Variants in PKNOX2 observed in about 807,000 individuals in gnomAD.
The protein encoded by PKNOX2 is PBX/knotted 1 homeobox 2.
Under a neutral mutation model 53.1 loss-of-function variants are expected in PKNOX2, and 14 were observed. That is an observed-to-expected ratio of 0.26 (90% CI 0.17 to 0.41). The LOEUF is 0.41. Among genes scored for constraint, PKNOX2 ranks in the 10% least tolerant of loss-of-function variants. The pLI, the probability that PKNOX2 is intolerant of heterozygous loss-of-function variation, is 1.00. For missense variants in PKNOX2, 496 were observed against 602.8 expected (o/e 0.82, Z 1.85); for synonymous variants, 257 against 242.8 (o/e 1.06, Z -0.54).
chr11:125,386,570 A>G (rs1462580586), intron 6 of PKNOX2, among the ~76,000 whole-genome samples: 1 of 152,178 alleles, frequency 6.6e-6, no homozygotes, highest in Non-Finnish European at 1.5e-5. Flanking sequence ...TGCACAGTGA[A>G]TTTAGAAACT....
rs141113634 is a variant in PKNOX2, at chr11:125,397,906, C to T, written c.432C>T (p.His144=). The T allele has an allele frequency of 1.2e-6, 2 of 1,613,476 alleles. No individual in the cohort carries two copies. Among genetic ancestry groups the T allele is most frequent in the African/African-American group, 1.3e-5 (1 of 75,022 alleles). ...MVKAIQVLRI[H]LLELEKVNEL... is the part of the protein sequence containing the mutation. ...AGGCAATCCAGGTCCTGAGAATCCA[C>T]CTGCTGGAGCTGGAGAAAGTCAATG... The change falls in exon 7 of 13, where the codon CAC becomes CAT. Residue 144 remains histidine, a synonymous_variant. Coordinates refer to ENST00000298282, the MANE Select transcript of PKNOX2 (RefSeq NM_001382323.2).
At chr11:125,379,135 A>G (rs1004154654) in intron 5 of PKNOX2, among the ~76,000 whole-genome samples, 4 of 149,000 alleles carry the variant, frequency 2.7e-5, no homozygotes, top group African/African-American at 1.0e-4. Context: ...ATGTCGGCTC[A>G]CTGCGACCTC....
intron 2 of PKNOX2, among the ~76,000 whole-genome samples, chr11:125,303,121 C>T (rs755774048): frequency 6.6e-6 from 1 of 152,186 alleles, no homozygotes; most frequent in Non-Finnish European, 1.5e-5. Context: ...TCACACAGAC[C>T]ACTGTGTCTC....
intron 3 of PKNOX2, among the ~76,000 whole-genome samples, chr11:125,335,416 G>A (rs541674650): frequency 4.6e-5 from 7 of 152,260 alleles, no homozygotes; most frequent in African/African-American, 1.7e-4. Context: ...TTCCTTCTCT[G>A]TGAATGAGGG....
intron 5 of PKNOX2, 136 bp from the exon 6 acceptor site, chr11:125,385,415 A>T (rs1591551385): frequency 1.0e-6 from 1 of 962,756 alleles, no homozygotes; most frequent in Non-Finnish European, 1.5e-6. Flanking sequence ...GACCATAGGG[A>T]CTGGGGATGT....
rs1565504124 is a variant in PKNOX2, at chr11:125,352,738, GCTCCCACATATCAAATCATA to G, written c.87+1347_87+1366del. The stretch of plus-strand genomic sequence containing the variant: ...TCTCTGAGCACATGTCTACGGCCCC[GCTCCCACATATCAAATCATA>G]TTACTTCCCCAGCTCTCCCAGCCTA... On this transcript the variant is annotated intron_variant, in intron 4 of 12. Coordinates refer to ENST00000298282, the MANE Select transcript of PKNOX2 (RefSeq NM_001382323.2). This position sits in a 1 kb window ranked among gnomAD's most constrained non-coding sequence, Gnocchi z 4.1. Among the ~76,000 whole-genome samples the G allele has an allele frequency of 6.6e-6, 1 of 152,082 alleles. No homozygotes were observed. Among genetic ancestry groups the G allele is most frequent in the African/African-American group, 2.4e-5 (1 of 41,410 alleles).
At chr11:125,302,744 C>T (rs1316559158) in intron 2 of PKNOX2, among the ~76,000 whole-genome samples, 2 of 152,344 alleles carry the variant, frequency 1.3e-5, no homozygotes, top group Middle Eastern at 3.4e-3. Context: ...CCAGTTTTGC[C>T]TCTTCTGGCT....
intron 2 of PKNOX2, among the ~76,000 whole-genome samples, chr11:125,260,769 G>A (rs894042673): frequency 5.3e-5 from 8 of 152,094 alleles, no homozygotes; most frequent in Non-Finnish European, 8.8e-5. Flanking sequence ...AGGACGTCTC[G>A]CTGTGGCCTT....
intron 2 of PKNOX2, among the ~76,000 whole-genome samples, chr11:125,328,210 T>C (rs1949936927): frequency 6.6e-6 from 1 of 152,184 alleles, no homozygotes; most frequent in Non-Finnish European, 1.5e-5. Context: ...GCTCTGGCCA[T>C]TGTGGGATCT....
Position 125,431,680 on chromosome 11 carries a change from A to T in PKNOX2, c.*288A>T. On this transcript the variant is annotated 3_prime_UTR_variant, in exon 13 of 13. Transcript: ENST00000298282. ...CAGGAGTGAGATCTGGACTCACCAA[A>T]TCCCTGAGGATAGATGGCACCCATG... 1 of 443,828 alleles carries T rather than the reference A, an allele frequency of 2.3e-6. No homozygotes were observed. The highest frequency in any genetic ancestry group is 4.1e-6 in the Non-Finnish European group (1 of 243,278). 27.5% of individuals were successfully genotyped at this position (443,828 alleles called of 1,614,324 possible). A position where few individuals can be genotyped will look rare whatever the true frequency, so the allele number is the denominator to read the frequency against.
At chr11:125,292,923 CGAT>C (rs1322122804) in intron 2 of PKNOX2, among the ~76,000 whole-genome samples, 8 of 152,124 alleles carry the variant, frequency 5.3e-5, no homozygotes, top group African/African-American at 1.9e-4. Flanking sequence ...AAGTGGGAGA[CGAT>C]GCGTGTTATT....
intron 1 of PKNOX2, among the ~76,000 whole-genome samples, chr11:125,187,599 G>A (rs947308852): frequency 6.6e-6 from 1 of 151,706 alleles, no homozygotes; most frequent in Non-Finnish European, 1.5e-5. Flanking sequence ...CTATATACAG[G>A]GTCATGTCAT....
At chr11:125,311,779 C>A (rs1390650615) in intron 2 of PKNOX2, among the ~76,000 whole-genome samples, 1 of 151,984 alleles carries the variant, frequency 6.6e-6, no homozygotes, top group African/African-American at 2.4e-5. Flanking sequence ...AGCACAATGC[C>A]CTCAAATAAA....
intron 6 of PKNOX2, 86 bp from the exon 7 acceptor site, chr11:125,397,788 C>A: frequency 7.1e-7 from 1 of 1,409,286 alleles, no homozygotes; most frequent in Non-Finnish European, 9.7e-7. Context: ...GGGCTCCCCT[C>A]CCCTGGGGTG....
At chr11:125,263,127 T>A (rs113693827) in intron 2 of PKNOX2, among the ~76,000 whole-genome samples, 1,665 of 152,292 alleles carry the variant, frequency 0.011, 44 homozygotes, top group African/African-American at 0.037. Context: ...TATGCCCTGG[T>A]TGTGTGACTG....
Position 125,351,265 on chromosome 11 carries a change from C to T in PKNOX2, c.-22-19C>T. On this transcript the variant is annotated intron_variant, in intron 3 of 12. Transcript: ENST00000298282. ...GCTCAGCGGTGTTAACGGTGCGGCC[C>T]CCTTTCTCCTGCCCACAGGTCCTCC... 1 of 1,040,428 alleles carries T rather than the reference C, an allele frequency of 9.6e-7. No homozygotes were observed. The allele number at this position is 1,040,428 out of a possible 1,614,324, so 64.4% of individuals were successfully genotyped here. A position where few individuals can be genotyped will look rare whatever the true frequency, so the allele number is the denominator to read the frequency against.
At chr11:125,215,137 G>A (rs1222235266) in intron 1 of PKNOX2, among the ~76,000 whole-genome samples, 1 of 152,138 alleles carries the variant, frequency 6.6e-6, no homozygotes, top group East Asian at 1.9e-4. Flanking sequence ...GTCTTCCGGA[G>A]CAGTTGGGAG....
chr11:125,232,681 G>A (rs964348237), intron 1 of PKNOX2, among the ~76,000 whole-genome samples: 1 of 152,264 alleles, frequency 6.6e-6, no homozygotes, highest in Non-Finnish European at 1.5e-5. Context: ...ATACAAACTG[G>A]TAAGTTCAGA....
intron 5 of PKNOX2, among the ~76,000 whole-genome samples, chr11:125,380,368 A>G (rs1764256539): frequency 6.6e-6 from 1 of 152,084 alleles, no homozygotes; most frequent in African/African-American, 2.4e-5. Context: ...TATTTCCTCC[A>G]AATTTTGAAC....
Sources: gnomAD v4.1 joint callset for allele counts (sites outside exome capture counted in the v4.1 genomes callset) on GRCh38, gnomAD v4.1.1 for gene constraint, Gnocchi (gnomAD v3.1) non-coding constraint, MANE v1.5 for transcripts, NCBI Gene and HGNC (gene_info 2026-07-23, HGNC 2026-07-21) for gene names.